EPHB2: variants seen among roughly 807,000 people sequenced by gnomAD.
EPHB2 encodes ephrin type-B receptor 2.
Under a neutral mutation model 96.4 loss-of-function variants are expected in EPHB2, and 18 were observed. That is an observed-to-expected ratio of 0.19 (90% CI 0.13 to 0.28). The LOEUF (loss-of-function observed/expected upper bound fraction) is 0.28, where lower values mean the gene tolerates loss of function less well. Ranked by LOEUF, EPHB2 falls within the 10% of genes least tolerant of loss-of-function variation. The pLI is 1.00. For missense variants in EPHB2, 989 were observed against 1,355.4 expected (o/e 0.73, Z 4.25); for synonymous variants, 506 against 534.1 (o/e 0.95, Z 0.72).
chr1:22,839,680 G>A (rs932919431), intron 3 of EPHB2, among the ~76,000 whole-genome samples: 3 of 152,196 alleles, frequency 2.0e-5, no homozygotes, highest in African/African-American at 7.2e-5. Context: ...GTCCTGGATA[G>A]GGTCCAGATG....
intron 6 of EPHB2, among the ~76,000 whole-genome samples, chr1:22,890,008 G>A (rs764253906): frequency 6.6e-6 from 1 of 152,134 alleles, no homozygotes; most frequent in African/African-American, 2.4e-5. Context: ...AGTTAGGGAT[G>A]GCAGGAACCT....
chr1:22,857,066 G>A (rs746185252), intron 3 of EPHB2, among the ~76,000 whole-genome samples: 1 of 152,148 alleles, frequency 6.6e-6, no homozygotes, highest in East Asian at 1.9e-4. Flanking sequence ...CCCCAACCAA[G>A]GTTCACCAAC....
chr1:22,795,462 T>C (rs1316077278), intron 3 of EPHB2, among the ~76,000 whole-genome samples: 1 of 80,422 alleles, frequency 1.2e-5, no homozygotes, highest in Non-Finnish European at 2.9e-5. Context: ...CTGAACTGGT[T>C]TCCGTTTTGT....
chr1:22,756,979 TA>T (rs1478146283), intron 1 of EPHB2, among the ~76,000 whole-genome samples: 1 of 152,242 alleles, frequency 6.6e-6, no homozygotes, highest in Non-Finnish European at 1.5e-5. Context: ...GTAAAATGCC[TA>T]AATGATGTTT....
intron 3 of EPHB2, among the ~76,000 whole-genome samples, chr1:22,789,965 G>A (rs866292087): frequency 3.9e-5 from 6 of 152,092 alleles, no homozygotes; most frequent in Admixed American, 2.0e-4. Flanking sequence ...GGTGAGCAGG[G>A]GACTCAGACA....
intron 3 of EPHB2, among the ~76,000 whole-genome samples, chr1:22,857,937 A>G (rs1190062804): frequency 2.0e-5 from 3 of 152,144 alleles, no homozygotes; most frequent in African/African-American, 7.2e-5. Context: ...GCATGAAAAA[A>G]CACAACACAC....
intron 3 of EPHB2, among the ~76,000 whole-genome samples, chr1:22,800,999 A>C (rs1644835302): frequency 6.6e-6 from 1 of 152,200 alleles, no homozygotes; most frequent in African/African-American, 2.4e-5. Flanking sequence ...CTGCACACAC[A>C]CATATACCCA....
rs1412477060 is a variant in EPHB2 at position 22,906,922 on chromosome 1, T to A, written c.2101T>A (p.Phe701Ile). 6.2e-7 allele frequency: 1 copy of A among 1,612,900 alleles called. No homozygotes were observed. The highest frequency in any genetic ancestry group is 2.2e-5 in the East Asian group (1 of 44,822). Reference protein sequence around the residue: ...KSTPVMIITEFMENGSLDSFL... With the variant: ...KSTPVMIITEIMENGSLDSFL... Reference sequence around the variant, plus strand: ...CACACCTGTGATGATCATCACCGAGTTCATGGAGAATGGCTCCCTGGACTC... The same window carrying A: ...CACACCTGTGATGATCATCACCGAGATCATGGAGAATGGCTCCCTGGACTC... Residue 701 changes from phenylalanine (F) to isoleucine (I), a missense_variant, in exon 11 of 16, where the codon TTC becomes ATC. Coordinates refer to ENST00000374630, the MANE Select transcript of EPHB2 (RefSeq NM_017449.5). This position sits in a 1 kb window ranked among gnomAD's most constrained non-coding sequence, Gnocchi z 4.8.
chr1:22,888,030 T>C lies in EPHB2; in HGVS notation c.1429-4854T>C, dbSNP rs183101008. On this transcript the variant is annotated intron_variant, in intron 6 of 15. Coordinates refer to ENST00000374630, the MANE Select transcript of EPHB2 (RefSeq NM_017449.5). ...CTTACTCTATAATGGTTTTTTTGTT[T>C]GTTTGTTTTTTGGGGGTTTTTTTTG... Among the ~76,000 whole-genome samples the C allele has an allele frequency of 3.1e-3, 475 of 152,226 alleles. 3 individuals are homozygous for C. The highest frequency in any genetic ancestry group is 4.4e-3 in the Non-Finnish European group (297 of 68,002).
At chr1:22,907,331 C>G (rs977003138) in intron 11 of EPHB2, among the ~76,000 whole-genome samples, 1 of 152,194 alleles carries the variant, frequency 6.6e-6, no homozygotes, top group Non-Finnish European at 1.5e-5. Context: ...CCCAGAGGGT[C>G]AAGATGAGGC....
At chr1:22,864,014 C>T (rs1272548516) in intron 4 of EPHB2, among the ~76,000 whole-genome samples, 3 of 150,768 alleles carry the variant, frequency 2.0e-5, no homozygotes, top group Non-Finnish European at 4.4e-5. Flanking sequence ...TGAGCCACCA[C>T]GCCCAACCTA....
chr1:22,810,858 T>C (rs1218652674), intron 3 of EPHB2, among the ~76,000 whole-genome samples: 5 of 152,132 alleles, frequency 3.3e-5, no homozygotes, highest in Admixed American at 1.3e-4. Context: ...AATGAGGGAC[T>C]TTCAGGCACC....
At chr1:22,726,058 C>G (rs1456741956) in intron 1 of EPHB2, among the ~76,000 whole-genome samples, 1 of 152,192 alleles carries the variant, frequency 6.6e-6, no homozygotes, top group Non-Finnish European at 1.5e-5. Context: ...TTCATCCATC[C>G]ATCTGTCCAT....
chr1:22,829,418 G>T (rs888828214), intron 3 of EPHB2, among the ~76,000 whole-genome samples: 1 of 152,352 alleles, frequency 6.6e-6, no homozygotes, highest in Non-Finnish European at 1.5e-5. Context: ...GATGGGGTCG[G>T]CTCTACAGGC....
intron 5 of EPHB2, among the ~76,000 whole-genome samples, chr1:22,878,192 G>A (rs190089506): frequency 1.0e-3 from 157 of 152,358 alleles, no homozygotes; most frequent in Non-Finnish European, 2.6e-4. Context: ...AGCAGCCCCT[G>A]CTGAAATCCC....
chr1:22,893,790 G>A (rs530679083), intron 7 of EPHB2, among the ~76,000 whole-genome samples: 1 of 152,266 alleles, frequency 6.6e-6, no homozygotes, highest in East Asian at 1.9e-4. Flanking sequence ...AAGAGACCTA[G>A]CACAGGGTTG....
chr1:22,890,219 T>C (rs309474), intron 6 of EPHB2, among the ~76,000 whole-genome samples: 85,417 of 152,006 alleles, frequency 0.56, 25,096 homozygotes, highest in African/African-American at 0.72. Flanking sequence ...GAGCCTCAGC[T>C]GGAAGTTGAG....
At chr1:22,884,461 A>T (rs1366270445) in intron 6 of EPHB2, among the ~76,000 whole-genome samples, 1 of 152,036 alleles carries the variant, frequency 6.6e-6, no homozygotes, top group African/African-American at 2.4e-5. Context: ...CTCTACTGAA[A>T]ATACAAAAAT....
chr1:22,752,604 C>T (rs1258394986), intron 1 of EPHB2, among the ~76,000 whole-genome samples: 1 of 150,834 alleles, frequency 6.6e-6, no homozygotes. Flanking sequence ...GGAATTAAAA[C>T]CTGCTTTTTA....
Sources: allele counts gnomAD v4.1 joint callset (sites outside exome capture counted in the v4.1 genomes callset), GRCh38; gene constraint gnomAD v4.1.1; non-coding constraint Gnocchi (gnomAD v3.1); transcripts MANE v1.5; gene names NCBI Gene and HGNC (gene_info 2026-07-23, HGNC 2026-07-21).